CCDC192: variants seen among roughly 807,000 people sequenced by gnomAD.
The protein encoded by CCDC192 is coiled-coil domain-containing protein 192.
chr5:127,778,931 T>C (rs928540765), intron 3 of CCDC192, among the ~76,000 whole-genome samples: 2 of 152,170 alleles, frequency 1.3e-5, no homozygotes, highest in Admixed American at 6.5e-5. Context: ...TATCTTATAA[T>C]CCTTTTATTT....
intron 3 of CCDC192, among the ~76,000 whole-genome samples, chr5:127,766,842 A>G (rs1189589075): frequency 6.6e-6 from 1 of 152,164 alleles, no homozygotes; most frequent in African/African-American, 2.4e-5. Context: ...CTAAAGAAGC[A>G]GTAAGCTGAA....
At chr5:127,876,628 T>C (rs1158364654) in intron 6 of CCDC192, among the ~76,000 whole-genome samples, 1 of 152,184 alleles carries the variant, frequency 6.6e-6, no homozygotes, top group Non-Finnish European at 1.5e-5. Flanking sequence ...CTTCCTTTGA[T>C]GTGTGCCACT....
At chr5:127,751,548 T>G (rs1157392549) in intron 2 of CCDC192, among the ~76,000 whole-genome samples, 2 of 152,164 alleles carry the variant, frequency 1.3e-5, no homozygotes, top group Non-Finnish European at 1.5e-5. Flanking sequence ...GCCCTTAACA[T>G]TTTTTCCTTC....
At chr5:127,795,289 C>CAAAAAA (rs762627670) in intron 3 of CCDC192, among the ~76,000 whole-genome samples, 3 of 76,598 alleles carry the variant, frequency 3.9e-5, no homozygotes, top group Non-Finnish European at 7.8e-5. Context: ...GACTCTATCT[C>CAAAAAA]AAAAAAAAAA....
chr5:127,724,622 G>A (rs1018280478), intron 2 of CCDC192, among the ~76,000 whole-genome samples: 9 of 152,162 alleles, frequency 5.9e-5, no homozygotes, highest in South Asian at 2.1e-4. Flanking sequence ...AGGCTGAGGC[G>A]GGTGGATCAT....
At position 127,846,819 on chromosome 5, in the gene CCDC192, CAAAAAAA is replaced by C. The variant is rs551016691; in HGVS notation, c.412-28699_412-28693del. On this transcript the variant is annotated intron_variant, in intron 5 of 6. Coordinates refer to ENST00000514853, the MANE Select transcript of CCDC192 (RefSeq NM_001317938.2). ...GTTTCCATTCACCTAGTCAATAAAGCAAAAAAAAAAAAAAAAAAAAAAAAAACAGGGA... is the reference window on the plus strand; with the variant it reads ...GTTTCCATTCACCTAGTCAATAAAGCAAAAAAAAAAAAAAAAAAACAGGGA... 3.8e-4 allele frequency among the ~76,000 whole-genome samples: 24 copies of C among 63,680 alleles called. 1 individual carries two copies. The South Asian group carries it at 0.012, about 32-fold the overall frequency. The allele number at this position is 63,680 out of a possible 152,430, so 41.8% of individuals were successfully genotyped here. A position where few individuals can be genotyped will look rare whatever the true frequency, so the allele number is the denominator to read the frequency against.
At chr5:127,833,338 A>T (rs1290653975) in intron 5 of CCDC192, among the ~76,000 whole-genome samples, 2 of 152,190 alleles carry the variant, frequency 1.3e-5, no homozygotes, top group African/African-American at 4.8e-5. Flanking sequence ...TTAGGCTTTT[A>T]ATTCACTGTC....
rs115105430 is a variant in CCDC192 at position 127,870,832 on chromosome 5, C to T, written c.412-4706C>T. Among the ~76,000 whole-genome samples, 600 of 152,340 alleles carry T rather than the reference C, an allele frequency of 3.9e-3. 1 individual carries two copies. Among genetic ancestry groups the T allele is most frequent in the African/African-American group, 0.014 (568 of 41,564 alleles). On this transcript the variant is annotated intron_variant, in intron 5 of 6. Coordinates refer to ENST00000514853, the MANE Select transcript of CCDC192 (RefSeq NM_001317938.2). ...TTTAAAGACAAGTTGTATCCAAATT[C>T]TATCACTATTTATAAGTTTCATTAC...
intron 5 of CCDC192, among the ~76,000 whole-genome samples, chr5:127,849,666 G>T (rs899342254): frequency 6.6e-6 from 1 of 152,210 alleles, no homozygotes; most frequent in Non-Finnish European, 1.5e-5. Flanking sequence ...ACTTGACTTA[G>T]GTTAGAGATT....
At chr5:127,781,391 A>G (rs987582801) in intron 3 of CCDC192, among the ~76,000 whole-genome samples, 2 of 152,028 alleles carry the variant, frequency 1.3e-5, no homozygotes, top group African/African-American at 2.4e-5. Flanking sequence ...TTTGATGGGA[A>G]TTGTGTTGAA....
chr5:127,770,872 CG>C (rs1449659706), intron 3 of CCDC192, among the ~76,000 whole-genome samples: 2 of 152,146 alleles, frequency 1.3e-5, no homozygotes, highest in Admixed American at 6.5e-5. Context: ...TGAACACCCA[CG>C]GGGCAAGGGT....
chr5:127,742,850 T>C (rs1203097103), intron 2 of CCDC192, among the ~76,000 whole-genome samples: 20 of 152,188 alleles, frequency 1.3e-4, no homozygotes, highest in Admixed American at 1.3e-3. Context: ...TCTTTAAAAG[T>C]TTGCCTTGTC....
At chr5:127,730,783 T>A (rs1279129262) in intron 2 of CCDC192, among the ~76,000 whole-genome samples, 1 of 152,144 alleles carries the variant, frequency 6.6e-6, no homozygotes, top group Non-Finnish European at 1.5e-5. Context: ...ATTACCTCAA[T>A]AGAAGCAGAA....
intron 3 of CCDC192, among the ~76,000 whole-genome samples, chr5:127,776,971 G>A (rs1755901200): frequency 6.6e-6 from 1 of 152,246 alleles, no homozygotes; most frequent in South Asian, 2.1e-4. Context: ...GAGAACCTCT[G>A]CTAGGACAGC....
intron 2 of CCDC192, among the ~76,000 whole-genome samples, chr5:127,731,250 G>T: frequency 6.6e-6 from 1 of 152,108 alleles, no homozygotes; most frequent in East Asian, 1.9e-4. Flanking sequence ...AATCATGAAT[G>T]AACTCCTGTT....
chr5:127,936,210 TCA>T (rs1754182650), intron 6 of CCDC192, among the ~76,000 whole-genome samples: 1 of 152,242 alleles, frequency 6.6e-6, no homozygotes, highest in Non-Finnish European at 1.5e-5. Context: ...TAGTCAACGC[TCA>T]GTCTTTTAAG....
At chr5:127,711,248 C>T (rs1751317511) in intron 2 of CCDC192, among the ~76,000 whole-genome samples, 1 of 152,128 alleles carries the variant, frequency 6.6e-6, no homozygotes, top group Non-Finnish European at 1.5e-5. Flanking sequence ...AAGTATTTTA[C>T]TCAGTGTGCA....
intron 6 of CCDC192, among the ~76,000 whole-genome samples, chr5:127,896,923 C>T (rs946994674): frequency 6.6e-6 from 1 of 152,148 alleles, no homozygotes; most frequent in Non-Finnish European, 1.5e-5. Flanking sequence ...ACTCTACTGA[C>T]TTTATTCTTC....
intron 3 of CCDC192, among the ~76,000 whole-genome samples, chr5:127,762,591 G>T (rs1297726505): frequency 2.6e-5 from 4 of 152,204 alleles, no homozygotes; most frequent in African/African-American, 4.8e-5. Flanking sequence ...GGCGGGATGT[G>T]TGGATTGTTG....
Sources: allele counts gnomAD v4.1 joint callset (sites outside exome capture counted in the v4.1 genomes callset), GRCh38; gene constraint gnomAD v4.1.1; transcripts MANE v1.5; gene names NCBI Gene and HGNC (gene_info 2026-07-23, HGNC 2026-07-21).